DTNA: variants seen among roughly 807,000 people sequenced by gnomAD.
The protein encoded by DTNA is dystrophin-related protein 3.
DTNA carries 43 observed loss-of-function variants against 100.7 expected under a neutral mutation model. The ratio of observed to expected loss-of-function variants is 0.43; its 90% CI spans 0.33 to 0.55. DTNA has a LOEUF of 0.55. DTNA is among the 20% of genes least tolerant of loss of function. The pLI is 0.04. For synonymous variants in DTNA, 349 were observed against 347.9 expected, an observed-to-expected ratio of 1.00 and a Z score of -0.04; for missense variants, 798 against 953.9, an observed-to-expected ratio of 0.84 and a Z score of 2.15.
At chr18:34,614,644 T>G (rs1057397093) in intron 1 of DTNA, among the ~76,000 whole-genome samples, 1 of 152,184 alleles carries the variant, frequency 6.6e-6, no homozygotes, top group Non-Finnish European at 1.5e-5. Context: ...GTAGTGCAGA[T>G]AGCAAAAGAA....
At chr18:34,841,153 C>T (rs966135122) in intron 13 of DTNA, among the ~76,000 whole-genome samples, 64 of 152,112 alleles carry the variant, frequency 4.2e-4, no homozygotes, top group African/African-American at 1.5e-3. Flanking sequence ...TTTTAGAGAG[C>T]TTACCTGACT....
At chr18:34,556,302 G>A (rs1370030801) in intron 1 of DTNA, among the ~76,000 whole-genome samples, 1 of 152,178 alleles carries the variant, frequency 6.6e-6, no homozygotes, top group Admixed American at 6.5e-5. Context: ...ACAGCACACT[G>A]ATGGGTCTTG....
intron 2 of DTNA, among the ~76,000 whole-genome samples, chr18:34,762,966 T>C (rs2093274212): frequency 1.3e-5 from 2 of 152,130 alleles, no homozygotes; most frequent in African/African-American, 2.4e-5. Context: ...ACCTTTGCCG[T>C]ATTTCCCCCA....
At chr18:34,563,726 G>A (rs1334161358) in intron 1 of DTNA, among the ~76,000 whole-genome samples, 1 of 152,144 alleles carries the variant, frequency 6.6e-6, no homozygotes, top group African/African-American at 2.4e-5. Flanking sequence ...TGTACAAAGT[G>A]ATATTACTCT....
chr18:34,714,595 A>G (rs1190888268), intron 1 of DTNA, among the ~76,000 whole-genome samples: 3 of 150,358 alleles, frequency 2.0e-5, no homozygotes, highest in African/African-American at 7.4e-5. Context: ...CAGGTGCTGG[A>G]GAGGATGTGG....
rs530904653 is a variant in DTNA, at chr18:34,849,971, A to G, written c.1434+1588A>G. Among the ~76,000 whole-genome samples the G allele has an allele frequency of 2.6e-5, 4 of 152,344 alleles. No individual in the cohort carries two copies. The South Asian group carries it at 8.3e-4, about 32-fold the overall frequency. On this transcript the variant is annotated intron_variant, in intron 14 of 22. Coordinates refer to ENST00000444659, the MANE Select transcript of DTNA (RefSeq NM_001386795.1). ...TATTTATATGTGTACTAAATTCTCC[A>G]GTCTTGTTCCATTTCTTTCTGGAGA...
intron 1 of DTNA, among the ~76,000 whole-genome samples, chr18:34,514,782 T>C (rs908317364): frequency 6.6e-6 from 1 of 152,022 alleles, no homozygotes; most frequent in African/African-American, 2.4e-5. Flanking sequence ...TTGGGACTTT[T>C]TTCATAAGGG....
intron 1 of DTNA, among the ~76,000 whole-genome samples, chr18:34,628,481 T>C (rs2057643013): frequency 6.6e-6 from 1 of 152,222 alleles, no homozygotes; most frequent in Non-Finnish European, 1.5e-5. Context: ...GAAAGACTCA[T>C]ATCCCTTGGC....
chr18:34,820,607 G>A, intron 8 of DTNA, among the ~76,000 whole-genome samples, 184 bp from the exon 9 acceptor site: 1 of 152,182 alleles, frequency 6.6e-6, no homozygotes, highest in East Asian at 1.9e-4. Flanking sequence ...TGCTGACACT[G>A]AGCAGCAGGA....
At chr18:34,681,336 T>C (rs2078070418) in intron 1 of DTNA, among the ~76,000 whole-genome samples, 1 of 152,304 alleles carries the variant, frequency 6.6e-6, no homozygotes. Context: ...AGGGTGTTTT[T>C]TACTTTTAAA....
intron 3 of DTNA, among the ~76,000 whole-genome samples, chr18:34,771,550 G>A (rs750708498): frequency 6.6e-6 from 1 of 152,040 alleles, no homozygotes; most frequent in African/African-American, 2.4e-5. Context: ...GAGTCAAAGG[G>A]TTCTCCTTTC....
At chr18:34,654,162 C>T (rs17642946) in intron 1 of DTNA, among the ~76,000 whole-genome samples, 7,272 of 152,232 alleles carry the variant, frequency 0.048, 266 homozygotes, top group Non-Finnish European at 0.075. Context: ...ATTGGCCAAC[C>T]ATCTTCCAGC....
At chr18:34,774,282 G>A (rs2148666803) in intron 3 of DTNA, among the ~76,000 whole-genome samples, 1 of 152,370 alleles carries the variant, frequency 6.6e-6, no homozygotes, top group East Asian at 1.9e-4. Flanking sequence ...CTTGGAGCCA[G>A]TCAGCAGAGC....
At chr18:34,518,145 T>C (rs937885284) in intron 1 of DTNA, among the ~76,000 whole-genome samples, 10 of 152,210 alleles carry the variant, frequency 6.6e-5, no homozygotes, top group African/African-American at 2.4e-4. Context: ...TAGTAATATC[T>C]CATTGTGGTT....
At chr18:34,675,120 G>A (rs1348276629) in intron 1 of DTNA, among the ~76,000 whole-genome samples, 4 of 152,002 alleles carry the variant, frequency 2.6e-5, no homozygotes, top group African/African-American at 4.8e-5. Context: ...CTCAACCTGG[G>A]TACTATCAAC....
At chr18:34,885,394 C>T (rs1246694028) in intron 22 of DTNA, among the ~76,000 whole-genome samples, 2 of 152,166 alleles carry the variant, frequency 1.3e-5, no homozygotes, top group Admixed American at 1.3e-4. Flanking sequence ...CTCCAAAGCC[C>T]TACCTAAATA....
At chr18:34,857,397 C>G (rs2096565462) in intron 15 of DTNA, among the ~76,000 whole-genome samples, 1 of 152,194 alleles carries the variant, frequency 6.6e-6, no homozygotes, top group South Asian at 2.1e-4. Context: ...GGCTTCTATG[C>G]ATTTTGTTGA....
At chr18:34,660,091 A>G (rs1281799095) in intron 1 of DTNA, among the ~76,000 whole-genome samples, 1 of 152,238 alleles carries the variant, frequency 6.6e-6, no homozygotes, top group Non-Finnish European at 1.5e-5. Flanking sequence ...AGAGGGAACC[A>G]TCCTTGAAAG....
chr18:34,808,635 G>A (rs1189146243), intron 5 of DTNA, among the ~76,000 whole-genome samples: 5 of 152,150 alleles, frequency 3.3e-5, no homozygotes, highest in African/African-American at 4.8e-5. Flanking sequence ...CTAAGTTATT[G>A]ATTAGATCTT....
Sources: allele counts gnomAD v4.1 joint callset (sites outside exome capture counted in the v4.1 genomes callset), GRCh38; gene constraint gnomAD v4.1.1; transcripts MANE v1.5; gene names NCBI Gene and HGNC (gene_info 2026-07-23, HGNC 2026-07-21).